GARIN2: variants seen among roughly 807,000 people sequenced by gnomAD.
GARIN2 encodes the protein golgi associated RAB2 interactor family member 2.
the GARIN2 span, among the ~76,000 whole-genome samples, chr14:67,225,978 CGCAT>C: frequency 0.019 from 2,591 of 135,360 alleles, 35 homozygotes; most frequent in Non-Finnish European, 0.026. Context: ...CGCGCGCGTG[CGCAT>C]GCGCGTGCAT....
chr14:67,222,892 A>G, the GARIN2 span, among the ~76,000 whole-genome samples: 1 of 152,164 alleles, frequency 6.6e-6, no homozygotes, highest in East Asian at 1.9e-4. Context: ...GAATACTTGA[A>G]GGCAGTTTTA....
the GARIN2 span, among the ~76,000 whole-genome samples, chr14:67,196,214 T>G: frequency 6.7e-5 from 10 of 148,386 alleles, no homozygotes; most frequent in Non-Finnish European, 1.3e-4. Flanking sequence ...TCTTTTCTTT[T>G]CTTTCTTTCT....
chr14:67,208,304 C>T, the GARIN2 span: 39,092 of 1,613,928 alleles, frequency 0.024, 569 homozygotes, highest in Non-Finnish European at 0.028. Flanking sequence ...AAACATAACA[C>T]TGACTTTTGA....
the GARIN2 span, among the ~76,000 whole-genome samples, chr14:67,224,162 T>C: frequency 1.3e-5 from 2 of 152,122 alleles, no homozygotes; most frequent in Non-Finnish European, 2.9e-5. Flanking sequence ...TGGGATAAAG[T>C]GGCACTTCAA....
At chr14:67,198,468 AC>A in the GARIN2 span, 6 of 730,026 alleles carry the variant, frequency 8.2e-6, no homozygotes, top group African/African-American at 1.8e-5. Context: ...ACTTTAAAAA[AC>A]CTGAAATAAT....
the GARIN2 span, among the ~76,000 whole-genome samples, chr14:67,218,747 A>G: frequency 6.6e-6 from 1 of 151,926 alleles, no homozygotes; most frequent in South Asian, 2.1e-4. Flanking sequence ...TGCTTGCCCA[A>G]GGGTATATCA....
At chr14:67,204,454 C>A in the GARIN2 span, 3 of 1,399,602 alleles carry the variant, frequency 2.1e-6, no homozygotes, top group Middle Eastern at 2.7e-4. Context: ...AACAAACAAA[C>A]AAATATATAT....
chr14:67,204,578 C>G, the GARIN2 span: 7 of 1,613,440 alleles, frequency 4.3e-6, no homozygotes, highest in Middle Eastern at 1.6e-4. Context: ...GTGCATGATG[C>G]GGAGAACATG....
At chr14:67,195,714 TG>T in the GARIN2 span, among the ~76,000 whole-genome samples, 7 of 1,098 alleles carry the variant, frequency 6.4e-3, no homozygotes, top group Non-Finnish European at 0.012. Context: ...TCTTTTTGGT[TG>T]TGTGTGTGTG....
chr14:67,226,024 G>C, the GARIN2 span, among the ~76,000 whole-genome samples: 14 of 151,890 alleles, frequency 9.2e-5, no homozygotes, highest in South Asian at 1.3e-3. Flanking sequence ...AGTATTGAAG[G>C]GGGGAGGTTG....
At chr14:67,197,730 G>T in the GARIN2 span, among the ~76,000 whole-genome samples, 1 of 152,118 alleles carries the variant, frequency 6.6e-6, no homozygotes, top group Non-Finnish European at 1.5e-5. Flanking sequence ...GATGAAGAGG[G>T]TACCATCAAT....
At chr14:67,199,657 C>A in the GARIN2 span, 2 of 1,577,534 alleles carry the variant, frequency 1.3e-6, no homozygotes, top group East Asian at 4.5e-5. Flanking sequence ...CAGCTCAGAA[C>A]CCGCTCTCCC....
At chr14:67,218,554 G>C in the GARIN2 span, among the ~76,000 whole-genome samples, 3 of 152,130 alleles carry the variant, frequency 2.0e-5, no homozygotes, top group East Asian at 5.8e-4. Context: ...CTCTGGTCCA[G>C]GATATGGGTT....
the GARIN2 span, among the ~76,000 whole-genome samples, chr14:67,190,667 C>G: frequency 4.7e-3 from 709 of 152,250 alleles, 3 homozygotes; most frequent in African/African-American, 0.016. Context: ...GAACACAAGG[C>G]TTTCTCTTCA....
the GARIN2 span, among the ~76,000 whole-genome samples, chr14:67,191,013 C>T: frequency 6.6e-6 from 1 of 152,320 alleles, no homozygotes; most frequent in African/African-American, 2.4e-5. Flanking sequence ...GCAGGTGGAT[C>T]ACCTGAGGTC....
At chr14:67,215,770 G>A in the GARIN2 span, among the ~76,000 whole-genome samples, 1 of 151,952 alleles carries the variant, frequency 6.6e-6, no homozygotes, top group Non-Finnish European at 1.5e-5. Flanking sequence ...CATTGATCAG[G>A]TCTGGTCACT....
At chr14:67,199,742 T>C in the GARIN2 span, 54 of 1,567,680 alleles carry the variant, frequency 3.4e-5, 1 homozygote, top group Admixed American at 2.7e-4. Context: ...GGTATCATCA[T>C]TGGGGTCTGG....
chr14:67,203,181 A>G, the GARIN2 span: 1 of 1,613,792 alleles, frequency 6.2e-7, no homozygotes, highest in Admixed American at 1.7e-5. Context: ...CACCCACAAG[A>G]TCCCCAATGT....
At chr14:67,192,702 G>C in the GARIN2 span, among the ~76,000 whole-genome samples, 1 of 150,886 alleles carries the variant, frequency 6.6e-6, no homozygotes, top group African/African-American at 2.4e-5. Context: ...ATGATTGATA[G>C]CTGCTGTTTT....
Sources: allele counts gnomAD v4.1 joint callset (sites outside exome capture counted in the v4.1 genomes callset), GRCh38; gene constraint gnomAD v4.1.1; transcripts MANE v1.5; gene names NCBI Gene and HGNC (gene_info 2026-07-23, HGNC 2026-07-21).